ACAP2: variants seen among roughly 807,000 people sequenced by gnomAD.
The protein encoded by ACAP2 is ArfGAP with coiled-coil, ankyrin repeat and PH domains 2, also known as arf-GAP with coiled-coil, ANK repeat and PH domain-containing protein 2.
Under a neutral mutation model 115.8 loss-of-function variants are expected in ACAP2, and 39 were observed. That is an observed-to-expected ratio of 0.34 (90% CI 0.26 to 0.44). The LOEUF (loss-of-function observed/expected upper bound fraction) is 0.44, where lower values mean the gene tolerates loss of function less well. Among genes scored for constraint, ACAP2 ranks in the 20% least tolerant of loss-of-function variants. The probability of loss-of-function intolerance (pLI) is 1.00; values close to 1 mark genes in which losing one functional copy is unlikely to be tolerated. For missense variants in ACAP2, 662 were observed against 927.6 expected (o/e 0.71, Z 3.72); for synonymous variants, 289 against 315.8 (o/e 0.92, Z 0.90).
intron 6 of ACAP2, among the ~76,000 whole-genome samples, chr3:195,341,408 T>C (rs2108647386): frequency 7.3e-6 from 1 of 136,866 alleles, no homozygotes; most frequent in East Asian, 2.5e-4. Flanking sequence ...CACTGCAAGC[T>C]CCGCCTCCTG....
At chr3:195,303,968 T>C (rs575994983) in intron 13 of ACAP2, among the ~76,000 whole-genome samples, 1 of 152,086 alleles carries the variant, frequency 6.6e-6, no homozygotes, top group Non-Finnish European at 1.5e-5. Context: ...GAGAGCAGCC[T>C]GGCCAATATG....
intron 4 of ACAP2, among the ~76,000 whole-genome samples, chr3:195,355,281 CTTTT>C (rs11345721): frequency 7.9e-6 from 1 of 126,854 alleles, no homozygotes; most frequent in Admixed American, 8.1e-5. Flanking sequence ...TCTTTTTCTT[CTTTT>C]TTTTTTTTTT....
intron 10 of ACAP2, among the ~76,000 whole-genome samples, chr3:195,311,693 C>T (rs913543790): frequency 1.3e-5 from 2 of 151,990 alleles, no homozygotes; most frequent in East Asian, 1.9e-4. Context: ...TGCACCACCA[C>T]GCCCAGCTAA....
chr3:195,289,277 A>G (rs752457653), intron 20 of ACAP2, 46 bp from the exon 21 acceptor site: 1 of 1,389,626 alleles, frequency 7.2e-7, no homozygotes, highest in Non-Finnish European at 1.0e-6. Flanking sequence ...ATAAGAAAAA[A>G]AAATTAGTAT....
intron 1 of ACAP2, among the ~76,000 whole-genome samples, chr3:195,435,705 A>T (rs1018897212): frequency 2.0e-5 from 3 of 152,160 alleles, no homozygotes; most frequent in Non-Finnish European, 4.4e-5. Flanking sequence ...CCTTATGGTC[A>T]GAAAATATTT....
intron 18 of ACAP2, among the ~76,000 whole-genome samples, chr3:195,293,579 C>T (rs1045337401): frequency 2.0e-5 from 3 of 152,344 alleles, no homozygotes; most frequent in African/African-American, 4.8e-5. Flanking sequence ...TGCTGGCTGA[C>T]GCCTATAATC....
intron 10 of ACAP2, among the ~76,000 whole-genome samples, chr3:195,317,802 G>T (rs995422000): frequency 6.6e-6 from 1 of 151,880 alleles, no homozygotes; most frequent in Non-Finnish European, 1.5e-5. Flanking sequence ...TAAAACTCCT[G>T]TTTTATTGAA....
At chr3:195,334,999 T>C (rs180744410) in intron 7 of ACAP2, among the ~76,000 whole-genome samples, 1 of 152,302 alleles carries the variant, frequency 6.6e-6, no homozygotes, top group East Asian at 1.9e-4. Context: ...CTGCAAACTT[T>C]ATCAGGGCTC....
intron 14 of ACAP2, 105 bp from the exon 15 acceptor site, chr3:195,301,749 A>G: frequency 2.6e-6 from 3 of 1,156,452 alleles, no homozygotes; most frequent in African/African-American, 1.6e-5. Context: ...CTCGGCATAC[A>G]CATATAGGCA....
chr3:195,434,593 A>C (rs1350172561), intron 1 of ACAP2, among the ~76,000 whole-genome samples: 1 of 152,156 alleles, frequency 6.6e-6, no homozygotes, highest in Non-Finnish European at 1.5e-5. Context: ...ATAACAATGG[A>C]CTAATGATTA....
Position 195,277,940 on chromosome 3 carries a change from G to A in ACAP2, c.*1388C>T, listed in dbSNP as rs1441219756. Reference sequence around the variant, plus strand: ...TACTAAAAATATAGAAATTAGCTCGGAATGGTGGCGGGTGCCTGTAGTCCC... The same window carrying A: ...TACTAAAAATATAGAAATTAGCTCGAAATGGTGGCGGGTGCCTGTAGTCCC... On this transcript the variant is annotated 3_prime_UTR_variant, in exon 23 of 23. Transcript: ENST00000326793. The A allele has an allele frequency of 3.3e-5, 5 of 152,086 alleles. No individual in the cohort carries two copies. The highest frequency in any genetic ancestry group is 7.3e-5 in the Non-Finnish European group (5 of 68,050). The allele number at this position is 152,086 out of a possible 1,614,324, so 9.4% of individuals were successfully genotyped here.
intron 4 of ACAP2, among the ~76,000 whole-genome samples, chr3:195,349,080 T>C (rs1393986520): frequency 7.3e-5 from 11 of 150,556 alleles, no homozygotes; most frequent in Admixed American, 7.3e-4. Flanking sequence ...AAAAAAAAAC[T>C]GCTAAAATTA....
chr3:195,330,434 G>A (rs1055972280), intron 8 of ACAP2, among the ~76,000 whole-genome samples: 6 of 152,100 alleles, frequency 3.9e-5, no homozygotes, highest in Non-Finnish European at 7.4e-5. Flanking sequence ...AAACTAAAAT[G>A]ATTAAATGTT....
intron 6 of ACAP2, among the ~76,000 whole-genome samples, chr3:195,338,340 A>C (rs1730650747): frequency 6.6e-6 from 1 of 152,102 alleles, no homozygotes; most frequent in African/African-American, 2.4e-5. Flanking sequence ...CCCTGGCCGG[A>C]GTGCAGTGGC....
intron 4 of ACAP2, among the ~76,000 whole-genome samples, chr3:195,374,784 G>A (rs1044719038): frequency 2.0e-5 from 3 of 151,674 alleles, no homozygotes; most frequent in East Asian, 1.9e-4. Flanking sequence ...GCACCATCTC[G>A]GCTCACTACA....
At chr3:195,302,953 T>C (rs1209155744) in intron 13 of ACAP2, among the ~76,000 whole-genome samples, 2 of 151,910 alleles carry the variant, frequency 1.3e-5, no homozygotes, top group Non-Finnish European at 2.9e-5. Flanking sequence ...ATGGCTCATG[T>C]CTGTAATCCC....
chr3:195,281,415 A>G (rs1352180552), intron 22 of ACAP2, among the ~76,000 whole-genome samples: 1 of 152,178 alleles, frequency 6.6e-6, no homozygotes, highest in Admixed American at 6.5e-5. Context: ...AAAAAAAGAA[A>G]AAAAAGGAAA....
intron 9 of ACAP2, among the ~76,000 whole-genome samples, chr3:195,322,847 T>C (rs1729537962): frequency 6.6e-6 from 1 of 152,228 alleles, no homozygotes; most frequent in Non-Finnish European, 1.5e-5. Context: ...TTGAGATAAA[T>C]TGTCTTCAAT....
intron 4 of ACAP2, among the ~76,000 whole-genome samples, chr3:195,373,485 A>T (rs1733316576): frequency 6.6e-6 from 1 of 152,224 alleles, no homozygotes; most frequent in African/African-American, 2.4e-5. Flanking sequence ...AAAATTTATG[A>T]ATTAAAAGTA....
Sources: allele counts gnomAD v4.1 joint callset (sites outside exome capture counted in the v4.1 genomes callset), GRCh38; gene constraint gnomAD v4.1.1; transcripts MANE v1.5; gene names NCBI Gene and HGNC (gene_info 2026-07-23, HGNC 2026-07-21).